AGBL4: variants seen among roughly 807,000 people sequenced by gnomAD.
AGBL4 encodes cytosolic carboxypeptidase 6.
Under a neutral mutation model 66.4 loss-of-function variants are expected in AGBL4, and 58 were observed. The observed-to-expected ratio is 0.87, with a 90% CI of 0.71 to 1.09. The LOEUF (loss-of-function observed/expected upper bound fraction) is 1.09, where lower values mean the gene tolerates loss of function less well. AGBL4 is among the 50% of genes least tolerant of loss of function. The probability of loss-of-function intolerance (pLI) is 0.00; values close to 1 mark genes in which losing one functional copy is unlikely to be tolerated. For synonymous variants in AGBL4, 234 were observed against 222.9 expected (o/e 1.05, Z -0.44); for missense variants, 579 against 631.0 (o/e 0.92, Z 0.88).
intron 4 of AGBL4, among the ~76,000 whole-genome samples, chr1:49,144,946 G>A (rs954892502): frequency 6.6e-6 from 1 of 152,114 alleles, no homozygotes; most frequent in Non-Finnish European, 1.5e-5. Flanking sequence ...CTAAGGGTGA[G>A]TGTCTAATGG....
intron 3 of AGBL4, among the ~76,000 whole-genome samples, chr1:49,428,741 C>A (rs528566735): frequency 6.6e-6 from 1 of 152,282 alleles, no homozygotes; most frequent in Admixed American, 6.5e-5. Flanking sequence ...CTACGGTGCC[C>A]CATTCGTTGG....
intron 3 of AGBL4, among the ~76,000 whole-genome samples, chr1:49,413,526 AG>A (rs1645361883): frequency 6.6e-6 from 1 of 152,220 alleles, no homozygotes; most frequent in South Asian, 2.1e-4. Flanking sequence ...CCTAGACCTG[AG>A]GGTGAAGCCC....
intron 4 of AGBL4, among the ~76,000 whole-genome samples, chr1:49,197,299 C>T (rs916465309): frequency 2.0e-5 from 3 of 152,148 alleles, no homozygotes; most frequent in Non-Finnish European, 2.9e-5. Flanking sequence ...AGGCTCATGA[C>T]CTCCTGAGTA....
chr1:50,004,503 T>C (rs1449252774), intron 1 of AGBL4, among the ~76,000 whole-genome samples: 1 of 152,080 alleles, frequency 6.6e-6, no homozygotes, highest in Non-Finnish European at 1.5e-5. Context: ...GCAACAAAAG[T>C]GACACCTTCC....
At chr1:49,971,907 G>GTTTTTTTTT (rs745772850) in intron 1 of AGBL4, among the ~76,000 whole-genome samples, 101 of 23,410 alleles carry the variant, frequency 4.3e-3, no homozygotes, top group Non-Finnish European at 4.8e-3. Context: ...GTTTTTTTGG[G>GTTTTTTTTT]TTTTTTTTTT....
At chr1:49,368,934 G>T (rs143715237) in intron 3 of AGBL4, among the ~76,000 whole-genome samples, 1 of 151,920 alleles carries the variant, frequency 6.6e-6, no homozygotes, top group Non-Finnish European at 1.5e-5. Context: ...AATTATCCAG[G>T]CATGGTGGCA....
intron 6 of AGBL4, among the ~76,000 whole-genome samples, chr1:48,864,355 A>G (rs1322363220): frequency 6.6e-6 from 1 of 152,216 alleles, no homozygotes; most frequent in Non-Finnish European, 1.5e-5. Flanking sequence ...AAATATGTTC[A>G]ATTACTTTGG....
chr1:48,742,628 C>T (rs1286199689), intron 6 of AGBL4: 1 of 1,558,926 alleles, frequency 6.4e-7, no homozygotes, highest in East Asian at 2.3e-5. Flanking sequence ...ACTACCTTGC[C>T]ATTGTCTAGG....
At chr1:49,954,568 T>G (rs1656435757) in intron 1 of AGBL4, among the ~76,000 whole-genome samples, 2 of 151,972 alleles carry the variant, frequency 1.3e-5, no homozygotes, top group Admixed American at 6.6e-5. Flanking sequence ...CATGAACCAA[T>G]ACATTTCTCT....
chr1:49,642,603 CAAAAA>C (rs1430237062), intron 3 of AGBL4, among the ~76,000 whole-genome samples: 1 of 151,680 alleles, frequency 6.6e-6, no homozygotes, highest in Non-Finnish European at 1.5e-5. Flanking sequence ...AAAGAAGCAC[CAAAAA>C]GGATTAAAAG....
intron 2 of AGBL4, among the ~76,000 whole-genome samples, chr1:49,830,616 A>T (rs977533963): frequency 1.5e-4 from 23 of 152,098 alleles, no homozygotes; most frequent in Non-Finnish European, 2.9e-4. Flanking sequence ...GTTTAATTAG[A>T]TCCCATTTGT....
intron 4 of AGBL4, among the ~76,000 whole-genome samples, chr1:49,222,186 T>C (rs1649549738): frequency 6.6e-6 from 1 of 152,150 alleles, no homozygotes; most frequent in Non-Finnish European, 1.5e-5. Context: ...TCTTTATGTA[T>C]GTACTATAAT....
intron 3 of AGBL4, among the ~76,000 whole-genome samples, chr1:49,408,027 C>A (rs759697995): frequency 6.6e-6 from 1 of 152,150 alleles, no homozygotes; most frequent in South Asian, 2.1e-4. Flanking sequence ...AGCTCAGACA[C>A]CCCATTTAGA....
In AGBL4 at chr1:49,473,864, C is replaced by G. The variant is rs1646795896; in HGVS notation, c.282+223449G>C. 1.3e-5 allele frequency among the ~76,000 whole-genome samples: 2 copies of G among 151,974 alleles called. 1 individual carries two copies. Among genetic ancestry groups the G allele is most frequent in the Non-Finnish European group, 2.9e-5 (2 of 67,956 alleles). On this transcript the variant is annotated intron_variant, in intron 3 of 13. Coordinates refer to ENST00000371839, the MANE Select transcript of AGBL4 (RefSeq NM_032785.4). Reference sequence around the variant, plus strand: ...TGCTGTATGTGGTTAGCCAGTTTTCCCAGAAGCACTTGCTGAATAGGGTAT... The same window carrying G: ...TGCTGTATGTGGTTAGCCAGTTTTCGCAGAAGCACTTGCTGAATAGGGTAT...
intron 12 of AGBL4, among the ~76,000 whole-genome samples, chr1:48,538,056 C>A (rs1355357543): frequency 6.6e-6 from 1 of 152,150 alleles, no homozygotes; most frequent in African/African-American, 2.4e-5. Context: ...ACGTGATTCT[C>A]CTGCAAGAGT....
At chr1:49,573,386 T>C (rs1644373644) in intron 3 of AGBL4, among the ~76,000 whole-genome samples, 1 of 152,130 alleles carries the variant, frequency 6.6e-6, no homozygotes, top group Non-Finnish European at 1.5e-5. Flanking sequence ...TGATAGTCCT[T>C]GACATGAACT....
chr1:49,310,501 A>G (rs1644924208), intron 3 of AGBL4, among the ~76,000 whole-genome samples: 1 of 152,106 alleles, frequency 6.6e-6, no homozygotes, highest in African/African-American at 2.4e-5. Flanking sequence ...ATAAAAGATC[A>G]CTGTTAATAC....
intron 2 of AGBL4, among the ~76,000 whole-genome samples, chr1:49,804,647 C>T (rs1242009054): frequency 1.3e-5 from 2 of 152,140 alleles, no homozygotes; most frequent in African/African-American, 4.8e-5. Context: ...ATTCATAAAA[C>T]TGGGCTCCAC....
chr1:48,673,302 C>G (rs922567541), intron 6 of AGBL4, among the ~76,000 whole-genome samples: 1 of 152,068 alleles, frequency 6.6e-6, no homozygotes, highest in East Asian at 1.9e-4. Flanking sequence ...AAGCAGAGAA[C>G]TGATATATAT....
Sources: gnomAD v4.1 joint callset for allele counts (sites outside exome capture counted in the v4.1 genomes callset) on GRCh38, gnomAD v4.1.1 for gene constraint, MANE v1.5 for transcripts, NCBI Gene and HGNC (gene_info 2026-07-23, HGNC 2026-07-21) for gene names.